Variants in TMC5 observed in about 807,000 individuals in gnomAD.
TMC5 encodes transmembrane channel like 5.
Under a neutral mutation model 110.5 loss-of-function variants are expected in TMC5, and 86 were observed. The observed-to-expected ratio is 0.78, with a 90% CI of 0.65 to 0.93. The LOEUF is 0.93. Among genes scored for constraint, TMC5 ranks in the 40% least tolerant of loss-of-function variants. TMC5 has a pLI of 0.00. For synonymous variants in TMC5, 455 were observed against 439.5 expected, an observed-to-expected ratio of 1.04 and a Z score of -0.44; for missense variants, 1,144 against 1,222.8, an observed-to-expected ratio of 0.94 and a Z score of 0.96.
At chr16:19,486,671 C>A (rs1006629990) in intron 15 of TMC5, among the ~76,000 whole-genome samples, 1 of 152,166 alleles carries the variant, frequency 6.6e-6, no homozygotes, top group East Asian at 1.9e-4. Context: ...AGCCACCGTT[C>A]CTGGCCTCCT....
Position 19,412,103 on chromosome 16 carries a change from GCT to G in TMC5, c.-308+930_-308+931del, listed in dbSNP as rs1447126922. Among the ~76,000 whole-genome samples the G allele has an allele frequency of 2.0e-5, 3 of 151,062 alleles. No homozygotes were observed. In the South Asian group the frequency reaches 6.3e-4, roughly 32 times the overall value. On this transcript the variant is annotated intron_variant, in intron 1 of 20. Transcript: ENST00000381414. ...TTTTTTTTTTTTGAATTGTTGTCTC[GCT>G]CTGTTGCCCAGGCTGGAGTGCAGTG...
intron 17 of TMC5, among the ~76,000 whole-genome samples, chr16:19,489,764 C>T (rs1345297430): frequency 6.6e-6 from 1 of 150,762 alleles, no homozygotes; most frequent in African/African-American, 2.4e-5. Flanking sequence ...GAATTGCAGG[C>T]GAGCCACCAT....
chr16:19,479,569 G>A lies in TMC5; in HGVS notation c.2267+41G>A, dbSNP rs201837822. On this transcript the variant is annotated intron_variant, in intron 14 of 21. Transcript: ENST00000542583. ...TCTTAAGTAATTAGGGCCTGATGCTGTAAACAGAACCTGATTCCTGGCTGA... is the reference window on the plus strand; with the variant it reads ...TCTTAAGTAATTAGGGCCTGATGCTATAAACAGAACCTGATTCCTGGCTGA... The A allele has an allele frequency of 3.5e-6, 5 of 1,414,964 alleles. No homozygotes were observed. The African/African-American group carries it at 5.6e-5, about 16-fold the overall frequency. The allele number at this position is 1,414,964 out of a possible 1,614,324, so 87.7% of individuals were successfully genotyped here. A position where few individuals can be genotyped will look rare whatever the true frequency, so the allele number is the denominator to read the frequency against.
At chr16:19,456,779 C>G (rs1271126101) in intron 5 of TMC5, 3 of 1,613,930 alleles carry the variant, frequency 1.9e-6, no homozygotes, top group African/African-American at 2.7e-5. Context: ...CCAAAGCCAC[C>G]CATCCTCAAA....
At chr16:19,460,390 A>G (rs1246226325) in intron 6 of TMC5, 56 bp downstream of exon 6, 28 of 1,227,440 alleles carry the variant, frequency 2.3e-5, no homozygotes, top group Non-Finnish European at 2.5e-5. Context: ...TCAATCCTCT[A>G]CTTTTGCCCC....
At chr16:19,437,681 C>T (rs2143449790) in intron 2 of TMC5, among the ~76,000 whole-genome samples, 1 of 152,308 alleles carries the variant, frequency 6.6e-6, no homozygotes, top group African/African-American at 2.4e-5. Context: ...TGGCTTGAAA[C>T]TGTAGAGATA....
chr16:19,440,338 C>T lies in TMC5; in HGVS notation c.300C>T (p.Asp100=), dbSNP rs1176144857. ...AYSAASRTSP[D]HPTSLPEPDY... ...CTGCAGCCTCTAGAACAAGCCCAGA[C>T]CATCCTACCTCTCTACCAGAGCCAG... Residue 100 remains aspartate (D), a synonymous_variant, in exon 3 of 22, where the codon GAC becomes GAT. Coordinates refer to ENST00000542583, the MANE Select transcript of TMC5 (RefSeq NM_001261841.2). The T allele has an allele frequency of 2.5e-6, 4 of 1,614,134 alleles. No homozygotes were observed. Among genetic ancestry groups the T allele is most frequent in the Non-Finnish European group, 8.5e-7 (1 of 1,180,026 alleles).
chr16:19,438,841 A>G (rs1257618288), intron 2 of TMC5, among the ~76,000 whole-genome samples: 2 of 152,232 alleles, frequency 1.3e-5, no homozygotes, highest in African/African-American at 2.4e-5. Flanking sequence ...TAGAGGTAAC[A>G]GGGTTTAATC....
At chr16:19,447,797 T>G (rs1227332114) in intron 4 of TMC5, among the ~76,000 whole-genome samples, 1 of 151,918 alleles carries the variant, frequency 6.6e-6, no homozygotes, top group Admixed American at 6.6e-5. Context: ...CAAGCGACTG[T>G]CCCACTTTGG....
At chr16:19,455,410 G>C (rs556847451) in intron 5 of TMC5, among the ~76,000 whole-genome samples, 3 of 152,226 alleles carry the variant, frequency 2.0e-5, no homozygotes, top group Non-Finnish European at 4.4e-5. Flanking sequence ...AACAGAGAGA[G>C]ACTCTGTCTC....
chr16:19,430,891 G>C (rs868493578), intron 2 of TMC5, among the ~76,000 whole-genome samples: 2 of 124,538 alleles, frequency 1.6e-5, no homozygotes, highest in East Asian at 2.3e-4. Context: ...ACTGAATCTC[G>C]CTCTGTCGCC....
intron 1 of TMC5, among the ~76,000 whole-genome samples, chr16:19,420,261 C>T (rs34423325): frequency 0.49 from 74,528 of 151,584 alleles, 21,196 homozygotes; most frequent in South Asian, 0.74. Context: ...CCTGTCTCTA[C>T]TAAAACACAA....
intron 2 of TMC5, among the ~76,000 whole-genome samples, chr16:19,438,370 G>A (rs181836109): frequency 5.2e-4 from 62 of 120,202 alleles, no homozygotes; most frequent in Non-Finnish European, 5.5e-4. Flanking sequence ...TACAGCCTGG[G>A]TGACAGAGTG....
intron 5 of TMC5, among the ~76,000 whole-genome samples, chr16:19,455,036 G>A (rs759855359): frequency 6.6e-6 from 1 of 152,114 alleles, no homozygotes; most frequent in Non-Finnish European, 1.5e-5. Context: ...TCAGGAGGCT[G>A]AAGCAGGAGG....
At chr16:19,476,497 C>T (rs1186772645) in intron 12 of TMC5, among the ~76,000 whole-genome samples, 1 of 152,164 alleles carries the variant, frequency 6.6e-6, no homozygotes, top group East Asian at 1.9e-4. Flanking sequence ...GGTCTCACTG[C>T]ACCCCATAAC....
chr16:19,421,374 T>TC lies in TMC5; in HGVS notation c.-308+3285dup, dbSNP rs1234733417. On this transcript the variant is annotated intron_variant, in intron 1 of 21. Transcript: ENST00000542583. ...TAATTGAGTCATAGGGGTGGGTTTT[T>TC]CCCATGCTGTTCTCATGGGAACACG... Among the ~76,000 whole-genome samples, 3 of 152,142 alleles carry TC rather than the reference T, an allele frequency of 2.0e-5. No individual in the cohort carries two copies. The East Asian group carries it at 5.8e-4, about 29-fold the overall frequency.
intron 5 of TMC5, among the ~76,000 whole-genome samples, chr16:19,450,680 G>A (rs1033640644): frequency 2.0e-5 from 3 of 152,144 alleles, no homozygotes; most frequent in Non-Finnish European, 4.4e-5. Flanking sequence ...CTCTAATGCG[G>A]GGGAAGGACT....
intron 15 of TMC5, 109 bp from the exon 16 acceptor site, chr16:19,486,836 C>T (rs1597214965): frequency 1.0e-6 from 1 of 957,528 alleles, no homozygotes; most frequent in Non-Finnish European, 1.6e-6. Flanking sequence ...TTTGGGGACA[C>T]ACAATCCAGG....
At chr16:19,493,995 C>T (rs895539278) in intron 19 of TMC5, among the ~76,000 whole-genome samples, 3 of 152,134 alleles carry the variant, frequency 2.0e-5, no homozygotes, top group Admixed American at 1.3e-4. Flanking sequence ...CTTCCAGCAG[C>T]CGACTTCTGG....
Sources: gnomAD v4.1 joint callset for allele counts (sites outside exome capture counted in the v4.1 genomes callset) on GRCh38, gnomAD v4.1.1 for gene constraint, MANE v1.5 for transcripts, NCBI Gene and HGNC (gene_info 2026-07-23, HGNC 2026-07-21) for gene names.